Variants in TSEN34 observed in about 807,000 individuals in gnomAD.
TSEN34 encodes the protein tRNA-splicing endonuclease subunit Sen34.
A neutral mutation model predicts 30.2 loss-of-function variants in TSEN34; 25 were observed. The observed-to-expected ratio is 0.83, with a 90% CI of 0.60 to 1.16. TSEN34 has a LOEUF of 1.16. TSEN34 is among the 50% of genes most tolerant of loss of function. The pLI is 0.00. For missense variants in TSEN34, 475 were observed against 411.9 expected, an observed-to-expected ratio of 1.15 and a Z score of -1.33; for synonymous variants, 209 against 177.4, an observed-to-expected ratio of 1.18 and a Z score of -1.41.
chr19:54,192,209 C>T lies in TSEN34; in HGVS notation c.581C>T (p.Pro194Leu), dbSNP rs200626822. ...LVQLATARPR[P>L]VKARPLDWRV... ...CAGCTGGCCACTGCCAGGCCTCGACCGGTCAAGGCCAGGCCCCTGGACTGG... is the reference window on the plus strand; with the variant it reads ...CAGCTGGCCACTGCCAGGCCTCGACTGGTCAAGGCCAGGCCCCTGGACTGG... Residue 194 changes from proline to leucine, a missense_variant, in exon 3 of 4, where the codon CCG becomes CTG. Physicochemically the swap from Pro to Leu is moderately conservative, Grantham distance 98. Transcript: ENST00000396388. 1.7e-4 allele frequency: 281 copies of T among 1,614,174 alleles called. No homozygotes were observed. The African/African-American group carries it at 3.5e-3, about 20-fold the overall frequency.
chr19:54,193,977 G>A lies in TSEN34; in HGVS notation c.*615G>A, dbSNP rs2076802458. ...AGAACTTTTGGAGGCCAAGGCAGGG[G>A]GATCGCTTGAGCCCAGGAGTTTGAG... On this transcript the variant is annotated 3_prime_UTR_variant, in exon 4 of 4. Transcript: ENST00000396388. 7 of 373,334 alleles carry A rather than the reference G, an allele frequency of 1.9e-5. No individual in the cohort carries two copies. The East Asian group carries it at 3.5e-4, about 19-fold the overall frequency. The allele number at this position is 373,334 out of a possible 1,614,324, so 23.1% of individuals were successfully genotyped here.
upstream of TSEN34, chr19:54,190,354 C>A: frequency 6.5e-7 from 1 of 1,526,814 alleles, no homozygotes; most frequent in Non-Finnish European, 8.8e-7. Context: ...ACCTCGACTG[C>A]GAATTACTGT....
upstream of TSEN34, chr19:54,190,646 G>T: frequency 7.9e-7 from 1 of 1,264,242 alleles, no homozygotes; most frequent in Non-Finnish European, 1.0e-6. Context: ...AGGAGGCGGG[G>T]CTACGGATTC....
Position 54,192,270 on chromosome 19 carries a change from C to T in TSEN34, c.642C>T (p.Arg214=), listed in dbSNP as rs794727650. Reference sequence around the variant, plus strand: ...CTAAAGACTGGCCCCACGCCGGCCGCCCTGCCCACGAGCTGCGCTACAGTA... The same window carrying T: ...CTAAAGACTGGCCCCACGCCGGCCGTCCTGCCCACGAGCTGCGCTACAGTA... The part of the protein sequence containing the change: ...VQSKDWPHAG[R]PAHELRYSIY... Residue 214 remains arginine, a synonymous_variant, in exon 3 of 4, where the codon CGC becomes CGT. Coordinates refer to ENST00000396388, the MANE Select transcript of TSEN34 (RefSeq NM_001077446.4). The T allele has an allele frequency of 2.9e-5, 46 of 1,613,994 alleles. No individual in the cohort carries two copies. The highest frequency in any genetic ancestry group is 3.6e-5 in the Non-Finnish European group (42 of 1,180,024).
chr19:54,192,375 T>G lies in TSEN34; in HGVS notation c.745+2T>G. On this transcript the variant is annotated splice_donor_variant, in intron 3 of 3. Transcript: ENST00000396388. LOFTEE classifies it high-confidence loss of function. ...GAGGTGACTTCCTGGTCTATCCTGGTGAGTATGGGTTGGGGCCTCTGGTTG... is the reference window on the plus strand; with the variant it reads ...GAGGTGACTTCCTGGTCTATCCTGGGGAGTATGGGTTGGGGCCTCTGGTTG... 3 of 1,613,882 alleles carry G rather than the reference T, an allele frequency of 1.9e-6. No individual in the cohort carries two copies. The highest frequency in any genetic ancestry group is 2.5e-6 in the Non-Finnish European group (3 of 1,180,016).
chr19:54,190,219 G>T (rs754790336), upstream of TSEN34: 72 of 729,398 alleles, frequency 9.9e-5, no homozygotes, highest in Non-Finnish European at 1.6e-4. Flanking sequence ...CGGGGCTTCG[G>T]TCCTGCGAGG....
At chr19:54,193,022 C>T (rs896859344) in intron 3 of TSEN34, among the ~76,000 whole-genome samples, 153 bp from the exon 4 acceptor site, 3 of 78,814 alleles carry the variant, frequency 3.8e-5, no homozygotes, top group Admixed American at 1.3e-4. Flanking sequence ...AAAAAAAAAG[C>T]CTAGAAGTGG....
At position 54,193,440 on chromosome 19, in the gene TSEN34, C is replaced by G. The variant is rs1171325492; in HGVS notation, c.*78C>G. 3 of 1,596,478 alleles carry G rather than the reference C, an allele frequency of 1.9e-6. No individual in the cohort carries two copies. Among genetic ancestry groups the G allele is most frequent in the African/African-American group, 2.7e-5 (2 of 74,250 alleles). ...TGTTCCCCAGCTCTTCTCTGGGAGT[C>G]TAGAACATCCTCCTACCTTTCTCCG... On this transcript the variant is annotated 3_prime_UTR_variant, in exon 4 of 4. Coordinates refer to ENST00000396388, the MANE Select transcript of TSEN34 (RefSeq NM_001077446.4).
At position 54,192,955 on chromosome 19, in the gene TSEN34, A is replaced by G. The variant is rs1374460050; in HGVS notation, c.746-220A>G. On this transcript the variant is annotated intron_variant, in intron 3 of 3. Transcript: ENST00000396388. The stretch of plus-strand genomic sequence containing the variant: ...AGGGGGCAGAGGTTGTAGTGAGCCA[A>G]GATCGTGCCATTGCACTCCAGCCTG... Among the ~76,000 whole-genome samples, 3 of 143,950 alleles carry G rather than the reference A, an allele frequency of 2.1e-5. No homozygotes were observed. The South Asian group carries it at 6.5e-4, about 31-fold the overall frequency. The allele number at this position is 143,950 out of a possible 152,430, so 94.4% of individuals were successfully genotyped here.
At position 54,193,331 on chromosome 19, in the gene TSEN34, A is replaced by T; in HGVS notation, c.902A>T (p.Tyr301Phe). The change falls in exon 4 of 4, where the codon TAC (tyrosine) becomes TTC (phenylalanine). Residue 301 changes from tyrosine to phenylalanine, a missense_variant. Physicochemically the swap from Tyr to Phe is conservative, Grantham distance 22. Transcript: ENST00000396388. ...CCGCAGCCTGATGGTAAGGTGGTCT[A>T]CACCTCCCTGCAATGGGCCAGCCTG... ...CSPQPDGKVV[Y>F]TSLQWASLQ 1 of 1,614,066 alleles carries T rather than the reference A, an allele frequency of 6.2e-7. No individual in the cohort carries two copies. The highest frequency in any genetic ancestry group is 8.5e-7 in the Non-Finnish European group (1 of 1,180,020).
At position 54,191,799 on chromosome 19, in the gene TSEN34, C is replaced by A. The variant is rs765357797; in HGVS notation, c.322C>A (p.Arg108Ser). Reference sequence around the variant, plus strand: ...CTTGGCAGCTGAGGCCCGGGAGACCCGTCGTCAGGAGCTCCTGGAGAAGAT... The same window carrying A: ...CTTGGCAGCTGAGGCCCGGGAGACCAGTCGTCAGGAGCTCCTGGAGAAGAT... ...SALAAEARET[R>S]RQELLEKITE... The change falls in exon 2 of 4, where the codon CGT becomes AGT. Residue 108 changes from arginine to serine, a missense_variant. Coordinates refer to ENST00000396388, the MANE Select transcript of TSEN34 (RefSeq NM_001077446.4). 5 of 1,614,066 alleles carry A rather than the reference C, an allele frequency of 3.1e-6. No homozygotes were observed. The African/African-American group carries it at 4.0e-5, about 13-fold the overall frequency.
chr19:54,191,075 C>T (rs1028868158), upstream of TSEN34: 3 of 1,291,434 alleles, frequency 2.3e-6, no homozygotes, highest in East Asian at 3.4e-5. Context: ...GGGTGCCGAC[C>T]GCAGGGTCAC....
rs746249746 is a variant in TSEN34, at chr19:54,192,222, G to A, written c.594G>A (p.Arg198=). The change falls in exon 3 of 4, where the codon AGG becomes AGA. Residue 198 remains arginine (R), a synonymous_variant. Transcript: ENST00000396388. The part of the protein sequence containing the change: ...ATARPRPVKA[R]PLDWRVQSKD... ...CCAGGCCTCGACCGGTCAAGGCCAG[G>A]CCCCTGGACTGGCGTGTCCAGTCTA... 4.3e-6 allele frequency: 7 copies of A among 1,614,000 alleles called. No individual in the cohort carries two copies. The Admixed American group carries it at 1.0e-4, about 23-fold the overall frequency.
chr19:54,191,815 T>C lies in TSEN34; in HGVS notation c.338T>C (p.Leu113Pro). The C allele has an allele frequency of 6.2e-7, 1 of 1,614,066 alleles. No individual in the cohort carries two copies. The highest frequency in any genetic ancestry group is 1.1e-5 in the South Asian group (1 of 91,078). The change falls in exon 2 of 4, where the codon CTG (leucine) becomes CCG (proline). Residue 113 changes from leucine to proline, a missense_variant. Transcript: ENST00000396388. ...CGGGAGACCCGTCGTCAGGAGCTCC[T>C]GGAGAAGATTACGGAGGGCCAGGCT... ...EARETRRQELLEKITEGQAAK... is the reference protein window; with the variant it reads ...EARETRRQELPEKITEGQAAK...
chr19:54,192,129 C>T lies in TSEN34; in HGVS notation c.501C>T (p.Ser167=). ...ACTCCCCACCAGGCCCCTCGTCTTC[C>T]CAAGCAGGACCCTCAAATGGGGTAG... is the stretch of plus-strand genomic sequence containing the variant. ...GEQEEAGPSS[S]QAGPSNGVAP... is the part of the protein sequence containing the mutation. The change falls in exon 3 of 4, where the codon TCC becomes TCT. Residue 167 remains serine, a synonymous_variant. Coordinates refer to ENST00000396388, the MANE Select transcript of TSEN34 (RefSeq NM_001077446.4). 1.2e-6 allele frequency: 2 copies of T among 1,614,232 alleles called. No homozygotes were observed. Among genetic ancestry groups the T allele is most frequent in the Non-Finnish European group, 1.7e-6 (2 of 1,180,028 alleles).
In TSEN34 at chr19:54,193,107, T is replaced by C. The variant is rs528250141; in HGVS notation, c.746-68T>C. ...GAAATGATCTCAGATCTCCTCCCAG[T>C]GGTCGTTCCCGTGGCGTCCAGCCGT... On this transcript the variant is annotated intron_variant, in intron 3 of 3. Coordinates refer to ENST00000396388, the MANE Select transcript of TSEN34 (RefSeq NM_001077446.4). 993 of 1,608,808 alleles carry C rather than the reference T, an allele frequency of 6.2e-4. 1 individual carries two copies. Among genetic ancestry groups the C allele is most frequent in the Non-Finnish European group, 7.1e-4 (841 of 1,179,714 alleles).
chr19:54,190,905 G>C (rs933309898), upstream of TSEN34: 2 of 1,050,094 alleles, frequency 1.9e-6, no homozygotes, highest in African/African-American at 1.7e-5. Context: ...AGCCTCCAGA[G>C]CTTCTGACCG....
chr19:54,191,596 C>T lies in TSEN34; in HGVS notation c.232C>T (p.His78Tyr). The change falls in exon 1 of 4, where the codon CAC becomes TAC. Residue 78 changes from histidine (H) to tyrosine (Y), a missense_variant. Physicochemically the swap from His to Tyr is moderately conservative, Grantham distance 83. Coordinates refer to ENST00000396388, the MANE Select transcript of TSEN34 (RefSeq NM_001077446.4). The part of the protein sequence containing the change: ...LVSAPRPDSR[H>Y]HSLALTSFKR... ...CAGCGCCCCGCGTCCAGACTCTCGG[C>T]ACCACAGCCTGGTAAGGGGGCGGGG... 1.2e-6 allele frequency: 2 copies of T among 1,603,516 alleles called. No individual in the cohort carries two copies. The highest frequency in any genetic ancestry group is 8.5e-7 in the Non-Finnish European group (1 of 1,179,412).
At chr19:54,190,355 G>A (rs772202355), upstream of TSEN34, 36 of 1,528,276 alleles carry the variant, frequency 2.4e-5, no homozygotes, top group Middle Eastern at 6.8e-4. Flanking sequence ...CCTCGACTGC[G>A]AATTACTGTT....
Sources: gnomAD v4.1 joint callset for allele counts (sites outside exome capture counted in the v4.1 genomes callset) on GRCh38, gnomAD v4.1.1 for gene constraint, MANE v1.5 for transcripts, NCBI Gene and HGNC (gene_info 2026-07-23, HGNC 2026-07-21) for gene names.